The following NACC2 variants were observed in gnomAD, a reference collection of about 807,000 sequenced individuals.
NACC2 encodes the protein nucleus accumbens-associated protein 2.
Under a neutral mutation model 25.1 loss-of-function variants are expected in NACC2, and 8 were observed. The ratio of observed to expected loss-of-function variants is 0.32; its 90% CI spans 0.19 to 0.57. The LOEUF (loss-of-function observed/expected upper bound fraction) is 0.57, where lower values mean the gene tolerates loss of function less well. Among genes scored for constraint, NACC2 ranks in the 20% least tolerant of loss-of-function variants. NACC2 has a pLI of 0.89. For synonymous variants in NACC2, 435 were observed against 294.7 expected (o/e 1.48, Z -4.88); for missense variants, 644 against 650.2 (o/e 0.99, Z 0.10).
chr9:136,049,297 G>A (rs941501402), intron 2 of NACC2, among the ~76,000 whole-genome samples: 2 of 152,194 alleles, frequency 1.3e-5, no homozygotes, highest in South Asian at 2.1e-4. Flanking sequence ...GGAAGTAGGC[G>A]GGTCCTCCCG....
chr9:136,083,492 G>A (rs759109375), intron 1 of NACC2, among the ~76,000 whole-genome samples: 9 of 152,242 alleles, frequency 5.9e-5, no homozygotes, highest in Non-Finnish European at 1.3e-4. Context: ...TGGAACTAGG[G>A]TCTTTGCAGA....
intron 3 of NACC2, among the ~76,000 whole-genome samples, chr9:136,014,327 C>T (rs144330473): frequency 2.0e-3 from 309 of 152,136 alleles, no homozygotes; most frequent in Admixed American, 3.2e-3. Flanking sequence ...TGTTTAGAGA[C>T]GGGGTCTTGC....
At chr9:136,094,585 C>T (rs1356612670) in intron 1 of NACC2, among the ~76,000 whole-genome samples, 1 of 152,178 alleles carries the variant, frequency 6.6e-6, no homozygotes, top group Non-Finnish European at 1.5e-5. Context: ...AGCCCCCTCC[C>T]CCTGCGGCCG....
chr9:136,049,053 T>C (rs894021984), intron 2 of NACC2, among the ~76,000 whole-genome samples: 3 of 152,336 alleles, frequency 2.0e-5, no homozygotes, highest in African/African-American at 4.8e-5. Flanking sequence ...CTCCAGAGGC[T>C]GTAACCAGGA....
chr9:136,042,859 G>A (rs1188941922), intron 2 of NACC2, among the ~76,000 whole-genome samples: 8 of 97,906 alleles, frequency 8.2e-5, no homozygotes, highest in African/African-American at 2.7e-4. Context: ...CACACACAGA[G>A]ACACAGAGAC....
At chr9:136,035,952 T>C (rs1840545650) in intron 2 of NACC2, among the ~76,000 whole-genome samples, 1 of 152,212 alleles carries the variant, frequency 6.6e-6, no homozygotes, top group Non-Finnish European at 1.5e-5. Flanking sequence ...TAGAACATCA[T>C]CATGATCCTG....
At position 136,013,403 on chromosome 9, in the gene NACC2, T is replaced by C; in HGVS notation, c.1158-107A>G. ...GCTGGGAGGCCACTTGGCCTCACCC[T>C]TGGCTGGTCTGCGTGTGTCCCAGTG... On this transcript the variant is annotated intron_variant, in intron 4 of 5. Transcript: ENST00000277554. This position sits in a 1 kb window ranked among gnomAD's most constrained non-coding sequence, Gnocchi z 6.6. 1.0e-6 allele frequency: 1 copy of C among 987,980 alleles called. No homozygotes were observed. Among genetic ancestry groups the C allele is most frequent in the Non-Finnish European group, 1.5e-6 (1 of 652,138 alleles). 61.2% of individuals were successfully genotyped at this position (987,980 alleles called of 1,614,324 possible). A position where few individuals can be genotyped will look rare whatever the true frequency, so the allele number is the denominator to read the frequency against.
rs188280621 is a variant in NACC2, at chr9:136,056,305, G to A, written c.-59-5725C>T. ...AGCTCCATGCAGATGAGATGCAGCA[G>A]CTCTGGGCCAGGGCCCTCGGCGGCC... is the stretch of plus-strand genomic sequence containing the variant. On this transcript the variant is annotated intron_variant, in intron 1 of 5. Transcript: ENST00000277554. Among the ~76,000 whole-genome samples, 459 of 152,348 alleles carry A rather than the reference G, an allele frequency of 3.0e-3. 3 individuals carry two copies. Among genetic ancestry groups the A allele is most frequent in the African/African-American group, 0.011 (441 of 41,582 alleles).
rs1840280573 is a variant in NACC2, at chr9:136,020,793, C to T, written c.887-4364G>A. On this transcript the variant is annotated intron_variant, in intron 2 of 5. Coordinates refer to ENST00000277554, the MANE Select transcript of NACC2 (RefSeq NM_144653.5). This position sits in a 1 kb window ranked among gnomAD's most constrained non-coding sequence, Gnocchi z 4.7. ...AATAGGAGACCCACAGACAGACCCA[C>T]ATGGCCATGCTCGATTGGCTTTTGA... 6.6e-6 allele frequency among the ~76,000 whole-genome samples: 1 copy of T among 152,166 alleles called. No homozygotes were observed. Among genetic ancestry groups the T allele is most frequent in the African/African-American group, 2.4e-5 (1 of 41,448 alleles).
rs991979467 is a variant in NACC2, at chr9:136,019,459, C to T, written c.887-3030G>A. 1.3e-5 allele frequency: 2 copies of T among 152,400 alleles called. No individual in the cohort carries two copies. Among genetic ancestry groups the T allele is most frequent in the Admixed American group, 1.3e-4 (2 of 15,308 alleles). 9.4% of individuals were successfully genotyped at this position (152,400 alleles called of 1,614,324 possible). On this transcript the variant is annotated intron_variant, in intron 2 of 5. Coordinates refer to ENST00000277554, the MANE Select transcript of NACC2 (RefSeq NM_144653.5). This position sits in a 1 kb window ranked among gnomAD's most constrained non-coding sequence, Gnocchi z 5.2. ...CCTCCTGTCACCCCAGGACTGGCCG[C>T]TGTAGCAGAACTGCCACCTTCACCC... is the stretch of plus-strand genomic sequence containing the variant.
At chr9:136,078,566 T>TG (rs925256284) in intron 1 of NACC2, among the ~76,000 whole-genome samples, 19 of 152,180 alleles carry the variant, frequency 1.2e-4, no homozygotes, top group Non-Finnish European at 1.5e-5. Flanking sequence ...GAACCGTACC[T>TG]GGATGCATAG....
intron 1 of NACC2, among the ~76,000 whole-genome samples, chr9:136,080,332 G>A (rs552677632): frequency 5.9e-5 from 9 of 152,250 alleles, no homozygotes; most frequent in Non-Finnish European, 8.8e-5. Flanking sequence ...CACCTCTCAG[G>A]GCATCCAAAA....
chr9:136,018,864 G>A lies in NACC2; in HGVS notation c.887-2435C>T, dbSNP rs1840243412. Among the ~76,000 whole-genome samples the A allele has an allele frequency of 6.6e-6, 1 of 152,176 alleles. No individual in the cohort carries two copies. Among genetic ancestry groups the A allele is most frequent in the African/African-American group, 2.4e-5 (1 of 41,436 alleles). On this transcript the variant is annotated intron_variant, in intron 2 of 5. Coordinates refer to ENST00000277554, the MANE Select transcript of NACC2 (RefSeq NM_144653.5). This position sits in a 1 kb window ranked among gnomAD's most constrained non-coding sequence, Gnocchi z 4.4. Reference sequence around the variant, plus strand: ...CACGCGGAGAAGCCGCACGGTGCGTGGCATTTACATAAAGAGTTCACCAAC... The same window carrying A: ...CACGCGGAGAAGCCGCACGGTGCGTAGCATTTACATAAAGAGTTCACCAAC...
At chr9:136,012,111 A>G (rs1338616033) in intron 5 of NACC2, 87 bp from the exon 6 acceptor site, 1 of 1,420,960 alleles carries the variant, frequency 7.0e-7, no homozygotes, top group Non-Finnish European at 9.2e-7. Flanking sequence ...GATGCCCTGG[A>G]TGAGCCTCCC....
Position 136,055,984 on chromosome 9 carries a change from T to A in NACC2, c.-59-5404A>T, listed in dbSNP as rs903761764. On this transcript the variant is annotated intron_variant, in intron 1 of 5. Coordinates refer to ENST00000277554, the MANE Select transcript of NACC2 (RefSeq NM_144653.5). The surrounding 1 kb of genome is among the most constrained non-coding windows in gnomAD (Gnocchi z 4.9). Reference sequence around the variant, plus strand: ...GTTAGGAATACAGTCTGGGGGCTGCTACCCCGTGGACCTTGCCCACCTCCG... The same window carrying A: ...GTTAGGAATACAGTCTGGGGGCTGCAACCCCGTGGACCTTGCCCACCTCCG... Among the ~76,000 whole-genome samples the A allele has an allele frequency of 9.8e-5, 15 of 152,296 alleles. No individual in the cohort carries two copies. Among genetic ancestry groups the A allele is most frequent in the Admixed American group, 6.5e-4 (10 of 15,300 alleles).
At position 136,077,661 on chromosome 9, in the gene NACC2, C is replaced by A. The variant is rs182818376; in HGVS notation, c.-60+17528G>T. ...CTTCACAGAGGAGAAGGTCCCCAGG[C>A]GGTGACACCTGAGCAGGGGGCAGCT... On this transcript the variant is annotated intron_variant, in intron 1 of 5. Transcript: ENST00000277554. 7.9e-4 allele frequency among the ~76,000 whole-genome samples: 121 copies of A among 152,214 alleles called. 1 individual carries two copies. Among genetic ancestry groups the A allele is most frequent in the African/African-American group, 2.8e-3 (117 of 41,544 alleles).
intron 1 of NACC2, among the ~76,000 whole-genome samples, chr9:136,079,663 C>A (rs1436601018): frequency 6.6e-6 from 1 of 152,196 alleles, no homozygotes; most frequent in Non-Finnish European, 1.5e-5. Context: ...CCTGCCGTGG[C>A]CGGCACTCCC....
rs1250832602 is a variant in NACC2, at chr9:136,006,824, CAAAAAAAAAAAGCT to C, written c.*4678_*4691del. Reference sequence around the variant, plus strand: ...AAAGGCTTCCTCCTTAAAAAAAAGACAAAAAAAAAAAGCTAAGCATCTGTGGCTGAAATCTAACT... The same window carrying C: ...AAAGGCTTCCTCCTTAAAAAAAAGACAAGCATCTGTGGCTGAAATCTAACT... On this transcript the variant is annotated 3_prime_UTR_variant, in exon 6 of 6. Transcript: ENST00000277554. 1 of 139,974 alleles carries C rather than the reference CAAAAAAAAAAAGCT, an allele frequency of 7.1e-6. No homozygotes were observed. Among genetic ancestry groups the C allele is most frequent in the Non-Finnish European group, 1.6e-5 (1 of 63,904 alleles). 8.7% of individuals were successfully genotyped at this position (139,974 alleles called of 1,614,324 possible).
intron 1 of NACC2, among the ~76,000 whole-genome samples, chr9:136,062,114 A>ACAGGACAGGACAGGACAG (rs1841019217): frequency 7.0e-6 from 1 of 142,450 alleles, no homozygotes; most frequent in African/African-American, 2.7e-5. Context: ...CAACAGAGCG[A>ACAGGACAGGACAGGACAG]GACAGGACAG....
Sources: gnomAD v4.1 joint callset for allele counts (sites outside exome capture counted in the v4.1 genomes callset) on GRCh38, gnomAD v4.1.1 for gene constraint, Gnocchi (gnomAD v3.1) non-coding constraint, MANE v1.5 for transcripts, NCBI Gene and HGNC (gene_info 2026-07-23, HGNC 2026-07-21) for gene names.